The following PCDHA5 variants were observed in gnomAD, a reference collection of about 807,000 sequenced individuals.
The protein encoded by PCDHA5 is protocadherin alpha 5.
Under a neutral mutation model 61.6 loss-of-function variants are expected in PCDHA5, and 43 were observed. That is an observed-to-expected ratio of 0.70 (90% CI 0.55 to 0.90). The LOEUF is 0.90. PCDHA5 is among the 40% of genes least tolerant of loss of function. The pLI, the probability that PCDHA5 is intolerant of heterozygous loss-of-function variation, is 0.00. For synonymous variants in PCDHA5, 627 were observed against 543.9 expected, an observed-to-expected ratio of 1.15 and a Z score of -2.13; for missense variants, 1,298 against 1,222.7, an observed-to-expected ratio of 1.06 and a Z score of -0.92.
At chr5:140,851,766 T>A in intron 1 of PCDHA5, 2 of 968,988 alleles carry the variant, frequency 2.1e-6, no homozygotes, top group South Asian at 4.8e-5. Context: ...AACATTACCC[T>A]TATGAATTTA....
intron 1 of PCDHA5, chr5:140,967,414 C>T: frequency 6.2e-7 from 1 of 1,613,156 alleles, no homozygotes; most frequent in African/African-American, 1.3e-5. Context: ...AGGGCCTAGA[C>T]CGGGAGCAGG....
At chr5:140,976,884 A>T (rs1423993981) in intron 1 of PCDHA5, among the ~76,000 whole-genome samples, 1 of 152,232 alleles carries the variant, frequency 6.6e-6, no homozygotes, top group Non-Finnish European at 1.5e-5. Context: ...AAGAATTAGG[A>T]TACATGCAAC....
chr5:140,953,960 A>G (rs2153700982), intron 1 of PCDHA5, among the ~76,000 whole-genome samples: 1 of 152,088 alleles, frequency 6.6e-6, no homozygotes, highest in South Asian at 2.1e-4. Flanking sequence ...AACAGGCCCC[A>G]GTGTGTGTTG....
intron 1 of PCDHA5, chr5:140,884,631 A>G: frequency 2.5e-6 from 4 of 1,612,580 alleles, no homozygotes; most frequent in Non-Finnish European, 3.4e-6. Flanking sequence ...GGAACAGGCC[A>G]GAGGGAGGAG....
Position 140,857,776 on chromosome 5 carries a change from CAGTG to C in PCDHA5, c.2352+33652_2352+33655del, listed in dbSNP as rs1342226765. ...CCGCTGGCAGCGCGGGCGGTGCAGTCAGTGAGCTGGTGCTGCGGTCGGTGGTTGC... is the reference window on the plus strand; with the variant it reads ...CCGCTGGCAGCGCGGGCGGTGCAGTCAGCTGGTGCTGCGGTCGGTGGTTGC... On this transcript the variant is annotated intron_variant, in intron 1 of 3. Coordinates refer to ENST00000529859, the MANE Select transcript of PCDHA5 (RefSeq NM_018908.3). 21 of 1,597,526 alleles carry C rather than the reference CAGTG, an allele frequency of 1.3e-5. No homozygotes were observed. In the Admixed American group the frequency reaches 3.4e-4, roughly 26 times the overall value.
In PCDHA5 at chr5:140,853,448, G is replaced by A; in HGVS notation, c.2352+29321G>A. ...AGACACTTTCCTATTTTGCCTAATA[G>A]GTCTCCTTATATGCATCTGTAGTTA... On this transcript the variant is annotated intron_variant, in intron 1 of 3. Transcript: ENST00000529859. 2.0e-6 allele frequency: 2 copies of A among 980,734 alleles called. 1 individual carries two copies. Among genetic ancestry groups the A allele is most frequent in the South Asian group, 9.5e-5 (2 of 21,032 alleles). 60.8% of individuals were successfully genotyped at this position (980,734 alleles called of 1,614,324 possible).
intron 1 of PCDHA5, chr5:140,851,932 T>G: frequency 1.0e-6 from 1 of 965,638 alleles, no homozygotes; most frequent in Non-Finnish European, 1.3e-6. Context: ...TTTCCTGAAT[T>G]GTAGTATGTG....
intron 1 of PCDHA5, among the ~76,000 whole-genome samples, chr5:140,887,179 C>A (rs984497356): frequency 6.6e-6 from 1 of 151,850 alleles, no homozygotes; most frequent in Non-Finnish European, 1.5e-5. Context: ...TCACTGCAAG[C>A]TCCACCTCCC....
At chr5:140,937,568 G>T (rs1342447969) in intron 1 of PCDHA5, among the ~76,000 whole-genome samples, 1 of 151,920 alleles carries the variant, frequency 6.6e-6, no homozygotes, top group East Asian at 1.9e-4. Context: ...AGTGAGCTGG[G>T]ATCGCGTCAC....
intron 1 of PCDHA5, chr5:140,829,482 T>C: frequency 1.2e-6 from 2 of 1,613,684 alleles, no homozygotes; most frequent in Non-Finnish European, 1.7e-6. Context: ...ACAGTGTTCG[T>C]GAAGGAGAAC....
chr5:140,830,339 T>C, intron 1 of PCDHA5: 1 of 1,613,958 alleles, frequency 6.2e-7, no homozygotes, highest in Non-Finnish European at 8.5e-7. Flanking sequence ...GAGCTGGTCG[T>C]ACTCGCAGCA....
intron 1 of PCDHA5, among the ~76,000 whole-genome samples, chr5:140,942,479 A>G (rs1341688235): frequency 6.6e-6 from 1 of 152,154 alleles, no homozygotes; most frequent in East Asian, 1.9e-4. Flanking sequence ...TTCAAGCTAC[A>G]ACTGAAATAA....
intron 3 of PCDHA5, among the ~76,000 whole-genome samples, chr5:140,983,914 AGGATT>A (rs1327360241): frequency 6.6e-6 from 1 of 152,244 alleles, no homozygotes; most frequent in Non-Finnish European, 1.5e-5. Flanking sequence ...CTAATCAGCC[AGGATT>A]TGCTATTTAT....
At chr5:140,857,314 G>C in intron 1 of PCDHA5, 1 of 1,598,746 alleles carries the variant, frequency 6.3e-7, no homozygotes, top group Non-Finnish European at 8.6e-7. Flanking sequence ...CCTATGAGCT[G>C]GTGGTGACCG....
chr5:140,992,823 T>A (rs1261484178), intron 3 of PCDHA5, among the ~76,000 whole-genome samples: 1 of 152,140 alleles, frequency 6.6e-6, no homozygotes, highest in Non-Finnish European at 1.5e-5. Flanking sequence ...ATGTGTTTGT[T>A]TTTTGGGAAC....
Position 140,953,939 on chromosome 5 carries a change from A to G in PCDHA5, c.2353-25010A>G, listed in dbSNP as rs544318515. ...TATTCTTCCTGATGCTCTCCCTCCCATTGCTCCCCCAACAGGCCCCAGTGT... is the reference window on the plus strand; with the variant it reads ...TATTCTTCCTGATGCTCTCCCTCCCGTTGCTCCCCCAACAGGCCCCAGTGT... On this transcript the variant is annotated intron_variant, in intron 1 of 3. Coordinates refer to ENST00000529859, the MANE Select transcript of PCDHA5 (RefSeq NM_018908.3). Among the ~76,000 whole-genome samples the G allele has an allele frequency of 2.8e-3, 420 of 151,700 alleles. 4 individuals carry two copies. The highest frequency in any genetic ancestry group is 4.8e-3 in the Non-Finnish European group (324 of 67,900).
chr5:140,919,867 G>A (rs2079334985), intron 1 of PCDHA5, among the ~76,000 whole-genome samples: 1 of 152,178 alleles, frequency 6.6e-6, no homozygotes, highest in Non-Finnish European at 1.5e-5. Context: ...TTGGAAATAA[G>A]TCTTTGAAGA....
chr5:140,861,473 T>C (rs2046940252), intron 1 of PCDHA5: 2 of 491,456 alleles, frequency 4.1e-6, no homozygotes. Context: ...ATCTGCAGAA[T>C]GGCATTTTTG....
intron 1 of PCDHA5, chr5:140,866,292 A>T (rs1453745216): frequency 6.6e-6 from 1 of 152,182 alleles, no homozygotes; most frequent in East Asian, 1.9e-4. Flanking sequence ...TGGGACAAGT[A>T]TAGATGTTGA....
Sources: allele counts gnomAD v4.1 joint callset (sites outside exome capture counted in the v4.1 genomes callset), GRCh38; gene constraint gnomAD v4.1.1; transcripts MANE v1.5; gene names NCBI Gene and HGNC (gene_info 2026-07-23, HGNC 2026-07-21).